Variants in CDC73 observed in about 807,000 individuals in gnomAD.
The protein encoded by CDC73 is cell division cycle 73.
CDC73 carries 21 observed loss-of-function variants against 83.7 expected under a neutral mutation model. The observed-to-expected ratio is 0.25, with a 90% CI of 0.18 to 0.36. The LOEUF is 0.36. Ranked by LOEUF, CDC73 falls within the 10% of genes least tolerant of loss-of-function variation. The pLI is 1.00. For missense variants in CDC73, 342 were observed against 653.3 expected, an observed-to-expected ratio of 0.52 and a Z score of 5.19; for synonymous variants, 224 against 212.9, an observed-to-expected ratio of 1.05 and a Z score of -0.45.
At chr1:193,148,047 A>C in intron 8 of CDC73, 82 bp downstream of exon 8, 1 of 916,534 alleles carries the variant, frequency 1.1e-6, no homozygotes, top group South Asian at 1.4e-5. Context: ...AGACATCTTC[A>C]CATTTTAAAA....
Position 193,122,466 on chromosome 1 carries a change from C to A in CDC73, c.131+135C>A, listed in dbSNP as rs994062049. The A allele has an allele frequency of 1.5e-5, 18 of 1,173,446 alleles. No individual in the cohort carries two copies. In the Admixed American group the frequency reaches 3.1e-4, roughly 20 times the overall value. The allele number at this position is 1,173,446 out of a possible 1,614,324, so 72.7% of individuals were successfully genotyped here. On this transcript the variant is annotated intron_variant, in intron 1 of 16. Coordinates refer to ENST00000367435, the MANE Select transcript of CDC73 (RefSeq NM_024529.5). ...GGTGTTCGGGGAAAAGAAAGTTTCTCTCTAGAGCAGAAGTTGCACTTTTAG... is the reference window on the plus strand; with the variant it reads ...GGTGTTCGGGGAAAAGAAAGTTTCTATCTAGAGCAGAAGTTGCACTTTTAG...
intron 1 of CDC73, 109 bp downstream of exon 1, chr1:193,122,440 G>A: frequency 3.6e-6 from 5 of 1,391,474 alleles, no homozygotes; most frequent in Admixed American, 1.8e-5. Context: ...GGGATAAAAC[G>A]GGTGTTCGGG....
chr1:193,182,613 T>A (rs1676735951), intron 10 of CDC73, among the ~76,000 whole-genome samples: 1 of 152,162 alleles, frequency 6.6e-6, no homozygotes, highest in Non-Finnish European at 1.5e-5. Flanking sequence ...GAACTTGTCA[T>A]TAGCACAGTT....
chr1:193,124,386 A>G (rs530756918), intron 1 of CDC73, among the ~76,000 whole-genome samples: 2 of 152,340 alleles, frequency 1.3e-5, no homozygotes, highest in South Asian at 2.1e-4. Flanking sequence ...GGTTTGAAAT[A>G]CATTGGTTTA....
At chr1:193,139,546 G>T (rs1326490264) in intron 6 of CDC73, among the ~76,000 whole-genome samples, 8 of 152,158 alleles carry the variant, frequency 5.3e-5, no homozygotes, top group Non-Finnish European at 1.2e-4. Flanking sequence ...GAGATTGATT[G>T]ATATTTCTCC....
chr1:193,138,798 G>A (rs1049344027), intron 6 of CDC73, among the ~76,000 whole-genome samples: 18 of 125,212 alleles, frequency 1.4e-4, no homozygotes, highest in Admixed American at 1.1e-3. Flanking sequence ...TTTTGGAGAC[G>A]GAGTTTCACT....
At chr1:193,173,749 A>G (rs1355274409) in intron 10 of CDC73, among the ~76,000 whole-genome samples, 1 of 152,176 alleles carries the variant, frequency 6.6e-6, no homozygotes, top group African/African-American at 2.4e-5. Context: ...AAAATACATA[A>G]GATAAAACCA....
intron 14 of CDC73, among the ~76,000 whole-genome samples, chr1:193,235,130 A>G (rs1317434714): frequency 6.6e-6 from 1 of 152,140 alleles, no homozygotes; most frequent in Non-Finnish European, 1.5e-5. Context: ...CAGAGTTGCA[A>G]GGTGAAAACT....
chr1:193,201,801 G>T (rs543538681), intron 10 of CDC73, among the ~76,000 whole-genome samples: 1 of 151,594 alleles, frequency 6.6e-6, no homozygotes, highest in African/African-American at 2.4e-5. Flanking sequence ...TGTAAAATTC[G>T]TACTCTTTGT....
chr1:193,212,013 TAAGAA>T, intron 11 of CDC73, 47 bp from the exon 12 acceptor site: 1 of 1,388,984 alleles, frequency 7.2e-7, no homozygotes, highest in Middle Eastern at 2.0e-4. Context: ...AGTTTGAAAA[TAAGAA>T]TATGGTTTTT....
intron 10 of CDC73, among the ~76,000 whole-genome samples, chr1:193,172,524 C>G (rs777138732): frequency 1.3e-5 from 2 of 151,964 alleles, no homozygotes; most frequent in Non-Finnish European, 2.9e-5. Context: ...TGCTAAGATC[C>G]GAGAGATGGA....
chr1:193,137,508 A>C (rs114235871), intron 5 of CDC73, among the ~76,000 whole-genome samples: 4 of 152,206 alleles, frequency 2.6e-5, no homozygotes, highest in African/African-American at 9.7e-5. Flanking sequence ...ACTTGACATC[A>C]TAATATGTGA....
intron 15 of CDC73, among the ~76,000 whole-genome samples, chr1:193,242,455 G>A (rs1441305495): frequency 6.6e-6 from 1 of 152,172 alleles, no homozygotes; most frequent in Admixed American, 6.5e-5. Context: ...TGCCTTAGGT[G>A]TTTCTGCTCA....
intron 10 of CDC73, among the ~76,000 whole-genome samples, chr1:193,177,710 A>G (rs1327445503): frequency 6.6e-6 from 1 of 152,172 alleles, no homozygotes; most frequent in Non-Finnish European, 1.5e-5. Context: ...CTGCTTGTAC[A>G]ATCAGTAAAT....
chr1:193,137,344 A>G (rs961696070), intron 5 of CDC73, among the ~76,000 whole-genome samples: 1 of 152,226 alleles, frequency 6.6e-6, no homozygotes, highest in African/African-American at 2.4e-5. Flanking sequence ...TCTCTAGAGT[A>G]TGCTGATGCT....
At chr1:193,151,425 A>G (rs926116507) in intron 9 of CDC73, among the ~76,000 whole-genome samples, 17 of 152,170 alleles carry the variant, frequency 1.1e-4, no homozygotes, top group African/African-American at 4.1e-4. Flanking sequence ...CCCCAAACTA[A>G]ATATCACCCT....
In CDC73 at chr1:193,142,294, A is replaced by C. The variant is rs770085550; in HGVS notation, c.729+228A>C. ...TGCTGATGAAAAAGTAGGAATCAAA[A>C]TGCAAGCTCCTTCACAGATCATTTG... On this transcript the variant is annotated intron_variant, in intron 7 of 16. Transcript: ENST00000367435. Among the ~76,000 whole-genome samples the C allele has an allele frequency of 1.8e-4, 28 of 152,188 alleles. 1 individual carries two copies. The highest frequency in any genetic ancestry group is 1.3e-4 in the Admixed American group (2 of 15,274).
intron 11 of CDC73, among the ~76,000 whole-genome samples, chr1:193,204,214 T>C (rs1271182863): frequency 2.1e-4 from 3 of 14,626 alleles, no homozygotes; most frequent in Admixed American, 7.8e-4. Context: ...CGTGTATATA[T>C]ATGTATATAT....
chr1:193,138,316 T>C (rs1304436509), intron 6 of CDC73, 143 bp downstream of exon 6: 1 of 690,820 alleles, frequency 1.4e-6, no homozygotes. Flanking sequence ...CGTAAGAACA[T>C]GTGTGGGGAT....
Sources: allele counts gnomAD v4.1 joint callset (sites outside exome capture counted in the v4.1 genomes callset), GRCh38; gene constraint gnomAD v4.1.1; transcripts MANE v1.5; gene names NCBI Gene and HGNC (gene_info 2026-07-23, HGNC 2026-07-21).